The following CASP9 variants were observed in gnomAD, a reference collection of about 807,000 sequenced individuals.
The protein encoded by CASP9 is caspase-9.
In CASP9, 29 loss-of-function variants were observed where a neutral mutation model predicts 43.5. The ratio of observed to expected loss-of-function variants is 0.67; its 90% CI spans 0.50 to 0.91. CASP9 has a LOEUF of 0.91. CASP9 is among the 40% of genes least tolerant of loss of function. CASP9 has a pLI of 0.00. For missense variants in CASP9, 575 were observed against 537.4 expected (o/e 1.07, Z -0.69); for synonymous variants, 206 against 211.9 (o/e 0.97, Z 0.24).
intron 3 of CASP9, 57 bp from the exon 4 acceptor site, chr1:15,507,132 G>C (rs770054676): frequency 6.2e-7 from 1 of 1,604,484 alleles, no homozygotes; most frequent in Non-Finnish European, 8.5e-7. Flanking sequence ...CTAGAGGACA[G>C]TCTGGAGAGG....
At chr1:15,501,778 T>A (rs563074056) in intron 6 of CASP9, among the ~76,000 whole-genome samples, 6 of 152,304 alleles carry the variant, frequency 3.9e-5, no homozygotes, top group African/African-American at 1.4e-4. Context: ...TATTTTTTAT[T>A]TTTTTAGAGA....
chr1:15,507,265 G>T, intron 3 of CASP9, 190 bp from the exon 4 acceptor site: 1 of 604,014 alleles, frequency 1.7e-6, no homozygotes, highest in Non-Finnish European at 2.9e-6. Context: ...CCCCATCTTG[G>T]TATTAAGGGA....
At chr1:15,510,087 GC>G (rs1160407403) in intron 2 of CASP9, among the ~76,000 whole-genome samples, 3 of 151,900 alleles carry the variant, frequency 2.0e-5, no homozygotes, top group African/African-American at 7.3e-5. Context: ...CCTGCATCAC[GC>G]TTGGCTAATT....
chr1:15,510,089 T>A (rs1428966833), intron 2 of CASP9, among the ~76,000 whole-genome samples: 3 of 151,952 alleles, frequency 2.0e-5, no homozygotes, highest in African/African-American at 7.3e-5. Flanking sequence ...TGCATCACGC[T>A]TGGCTAATTT....
chr1:15,497,550 G>C (rs1309613727), intron 6 of CASP9, among the ~76,000 whole-genome samples: 1 of 151,874 alleles, frequency 6.6e-6, no homozygotes, highest in Non-Finnish European at 1.5e-5. Context: ...GGCTGAAGCA[G>C]GAGAATTGCT....
upstream of CASP9, chr1:15,524,583 C>CTCACGTCCCCGCACTGACA: frequency 9.9e-7 from 1 of 1,011,058 alleles, no homozygotes; most frequent in Non-Finnish European, 1.2e-6. Context: ...CCGCACTGAC[C>CTCACGTCCCCGCACTGACA]TCACGTCACC....
At chr1:15,507,782 G>T in intron 3 of CASP9, 91 bp downstream of exon 3, 2 of 1,308,894 alleles carry the variant, frequency 1.5e-6, no homozygotes, top group Non-Finnish European at 2.2e-6. Flanking sequence ...GGTTCCCTGG[G>T]CTCCTGACAC....
At chr1:15,516,307 T>G (rs1207313679) in intron 2 of CASP9, among the ~76,000 whole-genome samples, 1 of 150,120 alleles carries the variant, frequency 6.7e-6, no homozygotes, top group Non-Finnish European at 1.5e-5. Flanking sequence ...CTGGGCCACA[T>G]GGTGAGACCC....
chr1:15,500,043 G>A (rs1709261902), intron 6 of CASP9, among the ~76,000 whole-genome samples: 1 of 152,176 alleles, frequency 6.6e-6, no homozygotes, highest in South Asian at 2.1e-4. Flanking sequence ...GTCTTCTGCA[G>A]TAGGGCTCAT....
In CASP9 at chr1:15,507,012, G is replaced by T. The variant is rs372045782; in HGVS notation, c.517C>A (p.Arg173Ser). The T allele has an allele frequency of 6.2e-7, 1 of 1,614,170 alleles. No individual in the cohort carries two copies. The highest frequency in any genetic ancestry group is 8.5e-7 in the Non-Finnish European group (1 of 1,180,010). ...CLIINNVNFCRESGLRTRTGS... is the reference protein window; with the variant it reads ...CLIINNVNFCSESGLRTRTGS... ...GTGCGGGTGCGGAGCCCGGACTCAC[G>T]GCAGAAGTTCACATTGTTGATAATG... The change falls in exon 4 of 9, where the codon CGT becomes AGT. Residue 173 changes from arginine (R) to serine (S), a missense_variant. Coordinates refer to ENST00000333868, the MANE Select transcript of CASP9 (RefSeq NM_001229.5).
intron 1 of CASP9, among the ~76,000 whole-genome samples, chr1:15,519,565 G>A (rs1451878685): frequency 6.6e-6 from 1 of 152,210 alleles, no homozygotes; most frequent in Non-Finnish European, 1.5e-5. Context: ...AAAATGGAAA[G>A]GAGTGAGCCA....
At chr1:15,515,050 T>C (rs1401809244) in intron 2 of CASP9, among the ~76,000 whole-genome samples, 1 of 152,154 alleles carries the variant, frequency 6.6e-6, no homozygotes, top group Non-Finnish European at 1.5e-5. Flanking sequence ...GATCTTACTA[T>C]TGCTGTTGTT....
intron 2 of CASP9, among the ~76,000 whole-genome samples, chr1:15,510,445 C>T (rs1250458797): frequency 6.6e-6 from 1 of 152,208 alleles, no homozygotes; most frequent in Non-Finnish European, 1.5e-5. Context: ...AATTCCTATT[C>T]ATCCACAGAC....
At chr1:15,496,513 C>A (rs1351928501) in intron 6 of CASP9, among the ~76,000 whole-genome samples, 1 of 152,086 alleles carries the variant, frequency 6.6e-6, no homozygotes, top group Non-Finnish European at 1.5e-5. Context: ...ATGCAGAAAA[C>A]CCTAAAGATG....
chr1:15,513,160 C>CA (rs377408698), intron 2 of CASP9, among the ~76,000 whole-genome samples: 1,114 of 63,422 alleles, frequency 0.018, 20 homozygotes, highest in East Asian at 0.12. Context: ...GACTCCGTCT[C>CA]AAAAAAAAAA....
intron 1 of CASP9, among the ~76,000 whole-genome samples, chr1:15,522,873 G>A (rs1710262167): frequency 6.6e-6 from 1 of 152,238 alleles, no homozygotes; most frequent in Non-Finnish European, 1.5e-5. Context: ...TGAAGGCAAG[G>A]ACTGTGGCCT....
chr1:15,524,484 TCACCG>T (rs1710368820), upstream of CASP9: 5 of 734,866 alleles, frequency 6.8e-6, no homozygotes, highest in Admixed American at 1.3e-4. Context: ...ACGCTCCGCG[TCACCG>T]CCCCGCCCCA....
rs1422012687 is a variant in CASP9, at chr1:15,524,124, C to A, written c.77G>T (p.Trp26Leu). Reference sequence around the variant, plus strand: ...CAGCTCGCGGCTCAGCAGGGCGTCCCAGAGCTGGTCCACCTGCAGCTCTTC... The same window carrying A: ...CAGCTCGCGGCTCAGCAGGGCGTCCAAGAGCTGGTCCACCTGCAGCTCTTC... Reference protein sequence around the residue: ...LVEELQVDQLWDALLSRELFR... With the variant: ...LVEELQVDQLLDALLSRELFR... Residue 26 changes from tryptophan to leucine, a missense_variant, in exon 1 of 9, where the codon TGG (tryptophan) becomes TTG (leucine). Transcript: ENST00000333868. 2 of 1,541,250 alleles carry A rather than the reference C, an allele frequency of 1.3e-6. No individual in the cohort carries two copies. Among genetic ancestry groups the A allele is most frequent in the Admixed American group, 2.0e-5 (1 of 51,026 alleles).
intron 5 of CASP9, among the ~76,000 whole-genome samples, chr1:15,505,641 G>C (rs1709488920): frequency 6.6e-6 from 1 of 152,126 alleles, no homozygotes; most frequent in African/African-American, 2.4e-5. Flanking sequence ...AGCAGCAAGG[G>C]GCCTGGGGCA....
Sources: gnomAD v4.1 joint callset for allele counts (sites outside exome capture counted in the v4.1 genomes callset) on GRCh38, gnomAD v4.1.1 for gene constraint, MANE v1.5 for transcripts, NCBI Gene and HGNC (gene_info 2026-07-23, HGNC 2026-07-21) for gene names.